Variants in FAM53A observed in about 807,000 individuals in gnomAD.
FAM53A encodes family with sequence similarity 53 member A, also known as protein FAM53A.
In FAM53A, 28 loss-of-function variants were observed where a neutral mutation model predicts 26.6. The ratio of observed to expected loss-of-function variants is 1.05; its 90% CI spans 0.78 to 1.45. The LOEUF is 1.45. FAM53A is among the 40% of genes most tolerant of loss of function. The pLI, the probability that FAM53A is intolerant of heterozygous loss-of-function variation, is 0.00. For synonymous variants in FAM53A, 290 were observed against 253.1 expected, an observed-to-expected ratio of 1.15 and a Z score of -1.38; for missense variants, 650 against 575.8, an observed-to-expected ratio of 1.13 and a Z score of -1.32.
At position 1,655,321 on chromosome 4, in the gene FAM53A, G is replaced by A; in HGVS notation, c.539C>T (p.Thr180Ile). The A allele has an allele frequency of 7.0e-7, 1 of 1,421,304 alleles. No individual in the cohort carries two copies. Among genetic ancestry groups the A allele is most frequent in the Admixed American group, 3.2e-5 (1 of 31,672 alleles). The allele number at this position is 1,421,304 out of a possible 1,614,324, so 88.0% of individuals were successfully genotyped here. ...GGACGGCCGGGGCGTGGCGGGCGAG[G>A]TGGGACCGGTCGACCACACAGCACT... ...PRSAVWSTGP[T>I]SPATPRPSSA... The change falls in exon 4 of 5, where the codon ACC (threonine) becomes ATC (isoleucine). Residue 180 changes from threonine to isoleucine, a missense_variant. Physicochemically the swap from Thr to Ile is moderately conservative, Grantham distance 89. Coordinates refer to ENST00000308132, the MANE Select transcript of FAM53A (RefSeq NM_001174070.3).
At chr4:1,669,927 G>A (rs935696227) in intron 1 of FAM53A, among the ~76,000 whole-genome samples, 11 of 152,264 alleles carry the variant, frequency 7.2e-5, no homozygotes, top group African/African-American at 2.6e-4. Context: ...TTCAGTTTCC[G>A]GCCAGTCTTC....
chr4:1,613,486 A>C (rs1193772438), downstream of FAM53A, among the ~76,000 whole-genome samples: 3 of 152,200 alleles, frequency 2.0e-5, no homozygotes, highest in Non-Finnish European at 2.9e-5. Context: ...TTTGAACATG[A>C]ATGTTGGAGG....
chr4:1,642,542 T>G (rs1711815609), intron 4 of FAM53A, among the ~76,000 whole-genome samples: 1 of 151,798 alleles, frequency 6.6e-6, no homozygotes, highest in Admixed American at 6.6e-5. Flanking sequence ...CTGCAAACAG[T>G]CTCCATCCAC....
At chr4:1,603,095 C>G in the FAM53A span, among the ~76,000 whole-genome samples, 1 of 152,196 alleles carries the variant, frequency 6.6e-6, no homozygotes, top group Non-Finnish European at 1.5e-5. Context: ...AAGCCCAGTG[C>G]GGCGGCTCCT....
At chr4:1,611,475 C>T in the FAM53A span, among the ~76,000 whole-genome samples, 2 of 152,208 alleles carry the variant, frequency 1.3e-5, no homozygotes, top group Non-Finnish European at 2.9e-5. Flanking sequence ...ACTGAGCTGA[C>T]CTGCACTGGC....
chr4:1,666,132 CTAAAA>C (rs1410997404), intron 2 of FAM53A, among the ~76,000 whole-genome samples: 2 of 133,828 alleles, frequency 1.5e-5, no homozygotes, highest in African/African-American at 5.7e-5. Context: ...ACCCCTGTAT[CTAAAA>C]TAAAACCTGC....
intron 1 of FAM53A, among the ~76,000 whole-genome samples, chr4:1,673,727 C>T (rs943753367): frequency 2.0e-5 from 3 of 152,042 alleles, no homozygotes; most frequent in African/African-American, 7.2e-5. Context: ...AGCGAGACTC[C>T]GTTTCAAAAA....
At chr4:1,610,387 A>C in the FAM53A span, among the ~76,000 whole-genome samples, 9 of 152,282 alleles carry the variant, frequency 5.9e-5, no homozygotes, top group East Asian at 1.5e-3. Flanking sequence ...CAGACGGGCA[A>C]GGGGAGGGAT....
chr4:1,627,163 C>A (rs1715344348), intron 1 of FAM53A, among the ~76,000 whole-genome samples: 1 of 152,198 alleles, frequency 6.6e-6, no homozygotes, highest in East Asian at 1.9e-4. Flanking sequence ...CACACACAGC[C>A]TCCCTCAGCC....
chr4:1,655,739 C>A lies in FAM53A; in HGVS notation c.137-16G>T. 6.5e-7 allele frequency: 1 copy of A among 1,532,372 alleles called. No individual in the cohort carries two copies. The highest frequency in any genetic ancestry group is 1.4e-5 in the African/African-American group (1 of 71,750). The allele number at this position is 1,532,372 out of a possible 1,614,324, so 94.9% of individuals were successfully genotyped here. On this transcript the variant is annotated splice_polypyrimidine_tract_variant and intron_variant, in intron 3 of 4. Coordinates refer to ENST00000308132, the MANE Select transcript of FAM53A (RefSeq NM_001174070.3). The stretch of plus-strand genomic sequence containing the variant: ...GGACTCTGGTCTACAAAAAAAGACA[C>A]AAAGAGGCAGGGGAAGAGACAGGTG...
chr4:1,679,481 T>G (rs1404452120), intron 1 of FAM53A, among the ~76,000 whole-genome samples: 1 of 139,208 alleles, frequency 7.2e-6, no homozygotes, highest in Non-Finnish European at 1.5e-5. Flanking sequence ...AGGTCAGGAG[T>G]TCGAGACCAG....
the FAM53A span, among the ~76,000 whole-genome samples, chr4:1,585,143 T>C: frequency 2.6e-5 from 4 of 152,142 alleles, no homozygotes; most frequent in African/African-American, 9.7e-5. Context: ...TCAATGACTT[T>C]CAACAACACA....
chr4:1,582,621 C>G, the FAM53A span, among the ~76,000 whole-genome samples: 2 of 152,110 alleles, frequency 1.3e-5, no homozygotes, highest in Non-Finnish European at 2.9e-5. Context: ...TTTGGGAGGC[C>G]GAGGCGGGAG....
the FAM53A span, among the ~76,000 whole-genome samples, chr4:1,593,083 G>A: frequency 2.0e-5 from 3 of 152,150 alleles, no homozygotes; most frequent in Non-Finnish European, 2.9e-5. Context: ...GCAGAGGGTC[G>A]GGCTTTCTCC....
chr4:1,607,825 A>G, the FAM53A span, among the ~76,000 whole-genome samples: 1 of 152,120 alleles, frequency 6.6e-6, no homozygotes, highest in Non-Finnish European at 1.5e-5. Context: ...CTGTAATCCC[A>G]GCTACTCGGG....
chr4:1,586,890 C>T, the FAM53A span, among the ~76,000 whole-genome samples: 1 of 152,120 alleles, frequency 6.6e-6, no homozygotes, highest in Non-Finnish European at 1.5e-5. Context: ...TCCACATCCT[C>T]ACCAACACTT....
chr4:1,675,857 C>G (rs1373192988), intron 1 of FAM53A, among the ~76,000 whole-genome samples: 2 of 152,200 alleles, frequency 1.3e-5, no homozygotes, highest in African/African-American at 4.8e-5. Context: ...CCTGCAGACC[C>G]CTAGGAGGGT....
intron 1 of FAM53A, among the ~76,000 whole-genome samples, chr4:1,682,582 A>G (rs898872141): frequency 6.6e-6 from 1 of 152,006 alleles, no homozygotes; most frequent in African/African-American, 2.4e-5. Flanking sequence ...TTTTAGAAAA[A>G]CATTTTCCCT....
the FAM53A span, among the ~76,000 whole-genome samples, chr4:1,600,217 C>T: frequency 6.6e-6 from 1 of 152,148 alleles, no homozygotes; most frequent in Admixed American, 6.5e-5. Context: ...GGAGGGGGTG[C>T]CCTACTCCAG....
Sources: gnomAD v4.1 joint callset for allele counts (sites outside exome capture counted in the v4.1 genomes callset) on GRCh38, gnomAD v4.1.1 for gene constraint, MANE v1.5 for transcripts, NCBI Gene and HGNC (gene_info 2026-07-23, HGNC 2026-07-21) for gene names.